RPS6KL1: variants seen among roughly 807,000 people sequenced by gnomAD.
The protein encoded by RPS6KL1 is ribosomal protein S6 kinase-like 1.
In RPS6KL1, 41 loss-of-function variants were observed where a neutral mutation model predicts 57.0. The observed-to-expected ratio is 0.72, with a 90% CI of 0.56 to 0.93. The LOEUF (loss-of-function observed/expected upper bound fraction) is 0.93. Ranked by LOEUF, RPS6KL1 falls within the 40% of genes least tolerant of loss-of-function variation. The pLI is 0.00. For missense variants in RPS6KL1, 697 were observed against 727.7 expected, an observed-to-expected ratio of 0.96 and a Z score of 0.49; for synonymous variants, 287 against 309.7, an observed-to-expected ratio of 0.93 and a Z score of 0.77.
At chr14:74,907,216 C>T in intron 11 of RPS6KL1, 92 bp from the exon 12 acceptor site, 9 of 1,362,384 alleles carry the variant, frequency 6.6e-6, no homozygotes, top group Non-Finnish European at 9.1e-6. Flanking sequence ...CTCTAGGGGG[C>T]CTGCTCCCTG....
intron 10 of RPS6KL1, among the ~76,000 whole-genome samples, chr14:74,908,576 G>A (rs868673317): frequency 2.2e-4 from 33 of 152,142 alleles, no homozygotes; most frequent in Admixed American, 4.6e-4. Flanking sequence ...CACATTCCGC[G>A]CTTCCTCCAA....
chr14:74,919,848 G>T lies in RPS6KL1; in HGVS notation c.387C>A (p.Ser129Arg), dbSNP rs781433693. 10 of 1,612,430 alleles carry T rather than the reference G, an allele frequency of 6.2e-6. No individual in the cohort carries two copies. In the Admixed American group the frequency reaches 1.0e-4, roughly 16 times the overall value. Reference protein sequence around the residue: ...QRPLSSGASPSAGFSSLRLRP... With the variant: ...QRPLSSGASPRAGFSSLRLRP... ...TGGGTGGGGGGGGTCTCCTCACCGC[G>T]CTGGGGCTGGCTCCACTGCTCAGCG... Residue 129 changes from serine (S) to arginine (R), a missense_variant, in exon 4 of 12, where the codon AGC becomes AGA. Transcript: ENST00000557413.
intron 2 of RPS6KL1, 23 bp from the exon 3 acceptor site, chr14:74,921,584 G>A (rs1246916175): frequency 1.3e-6 from 2 of 1,595,806 alleles, no homozygotes; most frequent in Non-Finnish European, 1.7e-6. Flanking sequence ...AATGCATTAG[G>A]GAGGACCTAG....
At chr14:74,916,226 C>T (rs1287477781) in intron 5 of RPS6KL1, among the ~76,000 whole-genome samples, 1 of 152,204 alleles carries the variant, frequency 6.6e-6, no homozygotes, top group Non-Finnish European at 1.5e-5. Flanking sequence ...AGTCTGGCTG[C>T]AGGGACCCAG....
chr14:74,921,630 T>G (rs1450712158), intron 2 of RPS6KL1, 69 bp from the exon 3 acceptor site: 1 of 1,505,824 alleles, frequency 6.6e-7, no homozygotes, highest in Non-Finnish European at 8.9e-7. Context: ...CCCAGTTTCC[T>G]CCACTGAATG....
intron 5 of RPS6KL1, among the ~76,000 whole-genome samples, chr14:74,916,029 C>T (rs1024134229): frequency 2.0e-5 from 3 of 152,214 alleles, no homozygotes; most frequent in Non-Finnish European, 4.4e-5. Flanking sequence ...TCACTGCTCC[C>T]TGCCACCATC....
intron 11 of RPS6KL1, 93 bp from the exon 12 acceptor site, chr14:74,907,217 C>T: frequency 7.3e-7 from 1 of 1,365,296 alleles, no homozygotes; most frequent in Non-Finnish European, 1.0e-6. Context: ...TCTAGGGGGC[C>T]TGCTCCCTGG....
At position 74,906,577 on chromosome 14, in the gene RPS6KL1, C is replaced by G. The variant is rs746927316; in HGVS notation, c.*437G>C. 1.9e-6 allele frequency: 1 copy of G among 529,794 alleles called. No homozygotes were observed. The highest frequency in any genetic ancestry group is 3.9e-6 in the Non-Finnish European group (1 of 258,502). 32.8% of individuals were successfully genotyped at this position (529,794 alleles called of 1,614,324 possible). A position where few individuals can be genotyped will look rare whatever the true frequency, so the allele number is the denominator to read the frequency against. On this transcript the variant is annotated 3_prime_UTR_variant, in exon 12 of 12. Transcript: ENST00000557413. Reference sequence around the variant, plus strand: ...GCCAGGACAGTCTGGTTTGGGTCCACTGAGCCAGTGGATCAGTGTCCTGAG... The same window carrying G: ...GCCAGGACAGTCTGGTTTGGGTCCAGTGAGCCAGTGGATCAGTGTCCTGAG...
intron 5 of RPS6KL1, among the ~76,000 whole-genome samples, chr14:74,916,405 G>A (rs536093485): frequency 8.5e-5 from 13 of 152,210 alleles, no homozygotes; most frequent in Non-Finnish European, 1.8e-4. Context: ...AATAGAATGC[G>A]GCGGGCCACT....
At chr14:74,912,931 C>T (rs1462894155) in intron 5 of RPS6KL1, among the ~76,000 whole-genome samples, 4 of 152,222 alleles carry the variant, frequency 2.6e-5, no homozygotes, top group African/African-American at 9.6e-5. Context: ...GGAGCGGGCA[C>T]ATGGGTACGT....
intron 3 of RPS6KL1, 46 bp downstream of exon 3, chr14:74,921,231 T>C: frequency 8.7e-7 from 1 of 1,155,808 alleles, no homozygotes; most frequent in Non-Finnish European, 1.3e-6. Flanking sequence ...AGCCCTGCAC[T>C]GGCCCTTCCC....
intron 11 of RPS6KL1, 49 bp from the exon 12 acceptor site, chr14:74,907,173 G>A (rs1885039064): frequency 2.7e-6 from 4 of 1,491,806 alleles, no homozygotes; most frequent in Non-Finnish European, 3.7e-6. Context: ...GTGGAGGCAT[G>A]GGGTGACCTC....
chr14:74,912,371 C>T (rs893733016), intron 5 of RPS6KL1, among the ~76,000 whole-genome samples: 3 of 151,624 alleles, frequency 2.0e-5, no homozygotes, highest in African/African-American at 7.3e-5. Flanking sequence ...CACCTGGACC[C>T]CAGAGATCAG....
chr14:74,909,234 G>C, intron 8 of RPS6KL1, 44 bp from the exon 9 acceptor site: 1 of 1,564,714 alleles, frequency 6.4e-7, no homozygotes, highest in Non-Finnish European at 8.8e-7. Context: ...ATTGAGGACA[G>C]CTGATACAGG....
intron 10 of RPS6KL1, 37 bp downstream of exon 10, chr14:74,908,813 C>T (rs1351329831): frequency 1.9e-6 from 3 of 1,578,844 alleles, no homozygotes; most frequent in African/African-American, 2.7e-5. Flanking sequence ...CACTCAGTGG[C>T]ACCCACCAGG....
chr14:74,908,944 A>G lies in RPS6KL1; in HGVS notation c.1361-12T>C. 6.2e-7 allele frequency: 1 copy of G among 1,611,138 alleles called. No homozygotes were observed. The highest frequency in any genetic ancestry group is 8.5e-7 in the Non-Finnish European group (1 of 1,177,904). On this transcript the variant is annotated splice_polypyrimidine_tract_variant and intron_variant, in intron 9 of 11. Coordinates refer to ENST00000557413, the MANE Select transcript of RPS6KL1 (RefSeq NM_031464.5). ...AATCCCACCCACCTCTGTGGGAACA[A>G]GAACACAGGTGTCCCAGCCTCACCT...
intron 5 of RPS6KL1, among the ~76,000 whole-genome samples, chr14:74,917,194 C>T (rs1211645934): frequency 1.3e-5 from 2 of 152,260 alleles, no homozygotes; most frequent in Non-Finnish European, 2.9e-5. Flanking sequence ...CCATCAAGCA[C>T]GTACTCAGTG....
chr14:74,908,121 C>G (rs557143553), intron 10 of RPS6KL1, among the ~76,000 whole-genome samples: 1 of 152,290 alleles, frequency 6.6e-6, no homozygotes, highest in South Asian at 2.1e-4. Flanking sequence ...GCAGCCAGGA[C>G]TTTCGGGACC....
rs757078900 is a variant in RPS6KL1 at position 74,909,689 on chromosome 14, C to T, written c.1124G>A (p.Arg375Gln). The part of the protein sequence containing the change: ...QSCLSADGAG[R>Q]GCGRATWSVR... ...ACTCCAGGTGGCCCTGCCACAGCCC[C>T]GGCCGGCCCCATCTGCTGACAGGCA... The change falls in exon 8 of 12, where the codon CGG (arginine) becomes CAG (glutamine). Residue 375 changes from arginine (R) to glutamine (Q), a missense_variant. Arg to Gln is a conservative substitution (Grantham distance 43, BLOSUM62 1). Transcript: ENST00000557413. The T allele has an allele frequency of 1.7e-5, 28 of 1,609,204 alleles. No individual in the cohort carries two copies. Among genetic ancestry groups the T allele is most frequent in the Middle Eastern group, 3.3e-4 (2 of 6,084 alleles).
Sources: gnomAD v4.1 joint callset for allele counts (sites outside exome capture counted in the v4.1 genomes callset) on GRCh38, gnomAD v4.1.1 for gene constraint, MANE v1.5 for transcripts, NCBI Gene and HGNC (gene_info 2026-07-23, HGNC 2026-07-21) for gene names.